The following CRADD variants were observed in gnomAD, a reference collection of about 807,000 sequenced individuals.
CRADD encodes death domain-containing protein CRADD.
A neutral mutation model predicts 15.5 loss-of-function variants in CRADD; 9 were observed. The ratio of observed to expected loss-of-function variants is 0.58; its 90% CI spans 0.35 to 1.01. The LOEUF is 1.01. Among genes scored for constraint, CRADD ranks in the 50% least tolerant of loss-of-function variants. The pLI is 0.02. For synonymous variants in CRADD, 118 were observed against 107.6 expected (o/e 1.10, Z -0.60); for missense variants, 227 against 250.3 (o/e 0.91, Z 0.63).
chr12:93,856,303 GTTGTCTACCA>G (rs1304628974), intron 2 of CRADD, among the ~76,000 whole-genome samples: 1 of 152,228 alleles, frequency 6.6e-6, no homozygotes, highest in Non-Finnish European at 1.5e-5. Context: ...TGATCTAACA[GTTGTCTACCA>G]TTAAATGAAT....
chr12:93,842,890 T>A (rs912423938), intron 2 of CRADD, among the ~76,000 whole-genome samples: 1 of 151,894 alleles, frequency 6.6e-6, no homozygotes, highest in African/African-American at 2.4e-5. Flanking sequence ...GTAAATGGGG[T>A]TGTCAGTATA....
chr12:93,794,123 T>C (rs1470922793), intron 2 of CRADD, among the ~76,000 whole-genome samples: 2 of 152,202 alleles, frequency 1.3e-5, no homozygotes, highest in Non-Finnish European at 1.5e-5. Context: ...TTTTATTGGC[T>C]CATGTGCACC....
At chr12:93,816,397 T>TTTTTTTTC (rs1292733975) in intron 2 of CRADD, among the ~76,000 whole-genome samples, 1 of 150,248 alleles carries the variant, frequency 6.7e-6, no homozygotes, top group African/African-American at 2.5e-5. Flanking sequence ...TTTTTTTTTT[T>TTTTTTTTC]TGGATTTTTG....
chr12:93,797,900 A>G (rs993553895), intron 2 of CRADD, among the ~76,000 whole-genome samples: 2 of 152,206 alleles, frequency 1.3e-5, no homozygotes, highest in African/African-American at 4.8e-5. Context: ...GGGGGCTTCC[A>G]GGATCGAGCC....
chr12:93,692,838 A>T (rs1955605360), intron 2 of CRADD, among the ~76,000 whole-genome samples: 1 of 152,330 alleles, frequency 6.6e-6, no homozygotes, highest in Non-Finnish European at 1.5e-5. Context: ...GTTGTATGTA[A>T]ATCATTTACA....
rs912832042 is a variant in CRADD at position 93,688,510 on chromosome 12, A to C, written c.298+9438A>C. ...ACCCTGTCTCAAAAAAAAAAAAAAA[A>C]GCAAAAGCAGTCTTTTGTGTCTCAC... On this transcript the variant is annotated intron_variant, in intron 2 of 2. Transcript: ENST00000332896. 1.5e-4 allele frequency among the ~76,000 whole-genome samples: 22 copies of C among 151,648 alleles called. 3 individuals are homozygous for C. Among genetic ancestry groups the C allele is most frequent in the Admixed American group, 1.4e-3 (21 of 15,238 alleles).
intron 2 of CRADD, among the ~76,000 whole-genome samples, chr12:93,830,007 G>A (rs1957874511): frequency 6.6e-6 from 1 of 152,104 alleles, no homozygotes; most frequent in African/African-American, 2.4e-5. Context: ...TTCAACAGTT[G>A]CTTATGGAGC....
At chr12:93,703,316 T>G (rs1408098662) in intron 2 of CRADD, among the ~76,000 whole-genome samples, 1 of 152,104 alleles carries the variant, frequency 6.6e-6, no homozygotes, top group Non-Finnish European at 1.5e-5. Flanking sequence ...GCAGTCTCCC[T>G]TGGTTCTGTG....
At chr12:93,789,491 T>C (rs1379818320) in intron 2 of CRADD, among the ~76,000 whole-genome samples, 2 of 152,192 alleles carry the variant, frequency 1.3e-5, no homozygotes, top group Non-Finnish European at 2.9e-5. Flanking sequence ...AAAACAATAA[T>C]GTTCAGTATA....
intron 2 of CRADD, among the ~76,000 whole-genome samples, chr12:93,840,754 C>T (rs571836155): frequency 1.3e-5 from 2 of 151,834 alleles, no homozygotes; most frequent in East Asian, 1.9e-4. Context: ...TTAGTGGAGA[C>T]GGGGGTTTCT....
intron 2 of CRADD, among the ~76,000 whole-genome samples, chr12:93,696,655 A>G (rs1482251175): frequency 4.0e-5 from 6 of 151,816 alleles, no homozygotes; most frequent in African/African-American, 1.2e-4. Context: ...CAAGAGATCT[A>G]TTGTGCAACA....
At position 93,812,133 on chromosome 12, in the gene CRADD, T is replaced by C. The variant is rs751261499; in HGVS notation, c.299-37837T>C. Among the ~76,000 whole-genome samples the C allele has an allele frequency of 7.2e-5, 11 of 152,040 alleles. No homozygotes were observed. In the East Asian group the frequency reaches 1.2e-3, roughly 16 times the overall value. ...TTCGGGGAAGGGAGTAAGGGATGAG[T>C]TGATGAAGCATAGGGGACTTTTAGG... On this transcript the variant is annotated intron_variant, in intron 2 of 2. Coordinates refer to ENST00000332896, the MANE Select transcript of CRADD (RefSeq NM_003805.5).
chr12:93,879,530 G>A (rs1487317380), intron 2 of CRADD, among the ~76,000 whole-genome samples: 1 of 152,106 alleles, frequency 6.6e-6, no homozygotes, highest in African/African-American at 2.4e-5. Context: ...CCTAAATGTG[G>A]TGACTAACTG....
chr12:93,871,527 G>C (rs1958419773), intron 2 of CRADD, among the ~76,000 whole-genome samples: 1 of 151,894 alleles, frequency 6.6e-6, no homozygotes, highest in African/African-American at 2.4e-5. Context: ...TGTTATTTTT[G>C]TGTCCATTAA....
chr12:93,738,746 T>G lies in CRADD; in HGVS notation c.298+59674T>G, dbSNP rs143886806. 1.2e-3 allele frequency: 368 copies of G among 304,608 alleles called. 2 individuals are homozygous for G. The highest frequency in any genetic ancestry group is 7.5e-3 in the African/African-American group (345 of 46,156). The allele number at this position is 304,608 out of a possible 1,614,324, so 18.9% of individuals were successfully genotyped here. A position where few individuals can be genotyped will look rare whatever the true frequency, so the allele number is the denominator to read the frequency against. On this transcript the variant is annotated intron_variant, in intron 2 of 2. Transcript: ENST00000332896. ...AAATCACAAAAGATAACAGGGACCC[T>G]ATTCAAACAGAATAAAAATAATTAG...
chr12:93,858,856 C>G (rs777540961), intron 2 of CRADD, among the ~76,000 whole-genome samples: 2 of 152,210 alleles, frequency 1.3e-5, no homozygotes, highest in Non-Finnish European at 2.9e-5. Context: ...ATGGAGAGGC[C>G]AAGAAGGATC....
intron 2 of CRADD, chr12:93,707,878 TCC>T (rs1955985585): frequency 6.6e-6 from 1 of 152,178 alleles, no homozygotes; most frequent in Admixed American, 6.5e-5. Context: ...TGTAAGGGAA[TCC>T]CATTCCAAGT....
chr12:93,847,378 A>G (rs1310097518), intron 2 of CRADD, among the ~76,000 whole-genome samples: 1 of 150,526 alleles, frequency 6.6e-6, no homozygotes, highest in Non-Finnish European at 1.5e-5. Flanking sequence ...AGAATATAAA[A>G]AGATAAAAAT....
intron 2 of CRADD, among the ~76,000 whole-genome samples, chr12:93,830,671 A>G (rs1272136577): frequency 1.3e-5 from 2 of 152,202 alleles, no homozygotes; most frequent in Non-Finnish European, 2.9e-5. Context: ...TACTGAACTA[A>G]GTAGGTACTG....
Sources: gnomAD v4.1 joint callset for allele counts (sites outside exome capture counted in the v4.1 genomes callset) on GRCh38, gnomAD v4.1.1 for gene constraint, MANE v1.5 for transcripts, NCBI Gene and HGNC (gene_info 2026-07-23, HGNC 2026-07-21) for gene names.